Variants in GOLGA7 observed in about 807,000 individuals in gnomAD.
The protein encoded by GOLGA7 is golgin A7.
In GOLGA7, 10 loss-of-function variants were observed where a neutral mutation model predicts 21.1. The ratio of observed to expected loss-of-function variants is 0.47; its 90% CI spans 0.29 to 0.80. The LOEUF (loss-of-function observed/expected upper bound fraction) is 0.80. Ranked by LOEUF, GOLGA7 falls within the 30% of genes least tolerant of loss-of-function variation. The probability of loss-of-function intolerance (pLI) is 0.08; values close to 1 mark genes in which losing one functional copy is unlikely to be tolerated. For synonymous variants in GOLGA7, 64 were observed against 62.6 expected, an observed-to-expected ratio of 1.02 and a Z score of -0.10; for missense variants, 114 against 166.8, an observed-to-expected ratio of 0.68 and a Z score of 1.74.
chr8:41,508,466 T>C (rs563457527), intron 4 of GOLGA7, among the ~76,000 whole-genome samples: 1 of 152,366 alleles, frequency 6.6e-6, no homozygotes, highest in South Asian at 2.1e-4. Flanking sequence ...TAGTGTTACT[T>C]GTCCATACGC....
At chr8:41,500,539 A>G (rs1806124197) in intron 2 of GOLGA7, among the ~76,000 whole-genome samples, 1 of 151,672 alleles carries the variant, frequency 6.6e-6, no homozygotes, top group Admixed American at 6.6e-5. Context: ...TTTTTAGTGC[A>G]AGTGGGAAGC....
chr8:41,504,132 A>AAAC (rs1554540021), intron 2 of GOLGA7, among the ~76,000 whole-genome samples: 145 of 131,108 alleles, frequency 1.1e-3, no homozygotes, highest in Middle Eastern at 4.5e-3. Flanking sequence ...AAAAAAAAAA[A>AAAC]AAAACAAAAC....
intron 2 of GOLGA7, among the ~76,000 whole-genome samples, chr8:41,499,287 C>T (rs1806093485): frequency 6.6e-6 from 1 of 152,144 alleles, no homozygotes; most frequent in Non-Finnish European, 1.5e-5. Flanking sequence ...CCCCAGTGGG[C>T]ATATGTTACA....
chr8:41,496,175 G>T (rs1220993163), intron 1 of GOLGA7, among the ~76,000 whole-genome samples: 2 of 152,110 alleles, frequency 1.3e-5, no homozygotes, highest in Non-Finnish European at 2.9e-5. Context: ...TGTGTACACT[G>T]AACCATCTTA....
At position 41,490,868 on chromosome 8, in the gene GOLGA7, A is replaced by G; in HGVS notation, c.14A>G (p.Gln5Arg). The G allele has an allele frequency of 6.3e-7, 1 of 1,593,892 alleles. No homozygotes were observed. Among genetic ancestry groups the G allele is most frequent in the Non-Finnish European group, 8.6e-7 (1 of 1,169,312 alleles). The change falls in exon 1 of 5, where the codon CAG becomes CGG. Residue 5 changes from glutamine to arginine, a missense_variant. Coordinates refer to ENST00000357743, the MANE Select transcript of GOLGA7 (RefSeq NM_001002296.2). MRPQ[Q>R]APVSGKVFIQ... ...CCTGTCCTCGCCATGAGGCCGCAGC[A>G]GGCGCCGGTGTCCGGAAAGGTGTTC...
chr8:41,505,846 C>A, intron 2 of GOLGA7, 65 bp from the exon 3 acceptor site: 1 of 789,762 alleles, frequency 1.3e-6, no homozygotes, highest in Non-Finnish European at 2.1e-6. Flanking sequence ...ATTTTGAGAT[C>A]TCACTAACAC....
At chr8:41,501,183 T>C (rs1806141459) in intron 2 of GOLGA7, among the ~76,000 whole-genome samples, 1 of 152,250 alleles carries the variant, frequency 6.6e-6, no homozygotes, top group Admixed American at 6.5e-5. Flanking sequence ...AGTCAGTTTA[T>C]ACTAATTATG....
chr8:41,496,954 CCCG>C (rs1269421028), intron 1 of GOLGA7, among the ~76,000 whole-genome samples: 1 of 151,840 alleles, frequency 6.6e-6, no homozygotes, highest in Non-Finnish European at 1.5e-5. Flanking sequence ...GCTATAGGCA[CCCG>C]CCACCATGCC....
chr8:41,497,764 G>A, intron 2 of GOLGA7, 103 bp downstream of exon 2: 1 of 655,626 alleles, frequency 1.5e-6, no homozygotes. Context: ...AAAATATTTA[G>A]GGGCATTTAT....
chr8:41,495,295 C>CT (rs1444263205), intron 1 of GOLGA7, among the ~76,000 whole-genome samples: 3 of 132,010 alleles, frequency 2.3e-5, no homozygotes, highest in Non-Finnish European at 4.9e-5. Context: ...TTCTTTCTTT[C>CT]TTTTTTTGAG....
In GOLGA7 at chr8:41,497,626, AC is replaced by A; in HGVS notation, c.231del (p.Ile78SerfsTer13). ...TTGTTTGGCTTGTTTAACAGCATAT[AC>A]CATCTTCCTATGCATGGAAACTCAT... ...EGCLACLTAYTIFLCMETHYE... is the reference protein window; with the variant it reads ...EGCLACLTAYXIFLCMETHYE... On this transcript the variant is annotated frameshift_variant, in exon 2 of 5. Coordinates refer to ENST00000357743, the MANE Select transcript of GOLGA7 (RefSeq NM_001002296.2). LOFTEE classifies it high-confidence loss of function. 6.4e-7 allele frequency: 1 copy of A among 1,572,476 alleles called. No homozygotes were observed. The highest frequency in any genetic ancestry group is 8.7e-7 in the Non-Finnish European group (1 of 1,144,696).
intron 1 of GOLGA7, among the ~76,000 whole-genome samples, chr8:41,497,065 C>T (rs1433631520): frequency 6.6e-6 from 1 of 151,820 alleles, no homozygotes; most frequent in Non-Finnish European, 1.5e-5. Flanking sequence ...CCACCTCAGC[C>T]TCCCAAAGTG....
At chr8:41,505,618 T>A (rs568004164) in intron 2 of GOLGA7, among the ~76,000 whole-genome samples, 3 of 152,316 alleles carry the variant, frequency 2.0e-5, no homozygotes, top group Admixed American at 2.0e-4. Flanking sequence ...ATATGCAGGA[T>A]TGAGGTGACT....
intron 2 of GOLGA7, among the ~76,000 whole-genome samples, chr8:41,502,974 A>G (rs1397712540): frequency 6.6e-6 from 1 of 152,170 alleles, no homozygotes; most frequent in East Asian, 1.9e-4. Context: ...TTGTGGTATG[A>G]GTTTACACAT....
At position 41,492,086 on chromosome 8, in the gene GOLGA7, C is replaced by T. The variant is rs185691375; in HGVS notation, c.111+1121C>T. 2.6e-4 allele frequency among the ~76,000 whole-genome samples: 39 copies of T among 152,324 alleles called. 1 individual carries two copies. In the East Asian group the frequency reaches 5.4e-3, roughly 21 times the overall value. On this transcript the variant is annotated intron_variant, in intron 1 of 4. Transcript: ENST00000357743. ...TCCATTATAGTTTCCTTCAGTTTGACATAACCATGGGCAGCTTCATGGCCC... is the reference window on the plus strand; with the variant it reads ...TCCATTATAGTTTCCTTCAGTTTGATATAACCATGGGCAGCTTCATGGCCC...
At chr8:41,505,789 A>T in intron 2 of GOLGA7, 122 bp from the exon 3 acceptor site, 1 of 577,504 alleles carries the variant, frequency 1.7e-6, no homozygotes, top group Non-Finnish European at 3.1e-6. Flanking sequence ...GTATTCCACC[A>T]TATGAATATC....
At chr8:41,509,219 T>A (rs950205535) in intron 4 of GOLGA7, among the ~76,000 whole-genome samples, 6 of 152,248 alleles carry the variant, frequency 3.9e-5, no homozygotes, top group African/African-American at 9.6e-5. Context: ...TGCTTAATTT[T>A]AATCATCACA....
intron 2 of GOLGA7, among the ~76,000 whole-genome samples, chr8:41,499,189 A>C (rs1806090835): frequency 6.6e-6 from 1 of 152,082 alleles, no homozygotes; most frequent in Non-Finnish European, 1.5e-5. Flanking sequence ...CTGCTGCTCA[A>C]ACCTCTAGGA....
chr8:41,491,885 A>G (rs4736990), intron 1 of GOLGA7, among the ~76,000 whole-genome samples: 49,284 of 151,858 alleles, frequency 0.32, 8,934 homozygotes, highest in African/African-American at 0.47. Flanking sequence ...GACAGGGAGG[A>G]CGAGGGCCTG....
Sources: gnomAD v4.1 joint callset for allele counts (sites outside exome capture counted in the v4.1 genomes callset) on GRCh38, gnomAD v4.1.1 for gene constraint, MANE v1.5 for transcripts, NCBI Gene and HGNC (gene_info 2026-07-23, HGNC 2026-07-21) for gene names.